Variants in TMEM114 observed in about 807,000 individuals in gnomAD.
TMEM114 encodes transmembrane protein 114.
TMEM114 carries 6 observed loss-of-function variants against 6.2 expected under a neutral mutation model. The observed-to-expected ratio is 0.97, with a 90% CI of 0.53 to 1.91. The LOEUF (loss-of-function observed/expected upper bound fraction) is 1.91. TMEM114 is among the 40% of genes most tolerant of loss of function. The pLI is 0.01. For synonymous variants in TMEM114, 104 were observed against 73.0 expected (o/e 1.42, Z -2.16); for missense variants, 218 against 158.3 (o/e 1.38, Z -2.02).
At chr16:8,569,440 G>A (rs565320299), downstream of TMEM114, 2 of 1,153,004 alleles carry the variant, frequency 1.7e-6, no homozygotes, top group Admixed American at 8.7e-5. Flanking sequence ...AAGGGACATG[G>A]GTGAGGAGGA....
Position 8,590,126 on chromosome 16 carries a change from C to A in TMEM114, c.-288G>T, listed in dbSNP as rs1026170647. On this transcript the variant is annotated 5_prime_UTR_variant, in exon 1 of 4. Transcript: ENST00000620492. The stretch of plus-strand genomic sequence containing the variant: ...CCCCCTCACTCTCACTTGTGCTGTC[C>A]GACCTCCACCTCCGCCTTCAGACCC... The A allele has an allele frequency of 4.8e-4, 157 of 327,514 alleles. No homozygotes were observed. The highest frequency in any genetic ancestry group is 1.7e-3 in the Middle Eastern group (2 of 1,194). The allele number at this position is 327,514 out of a possible 1,614,324, so 20.3% of individuals were successfully genotyped here.
downstream of TMEM114, among the ~76,000 whole-genome samples, chr16:8,564,837 ATGAG>A (rs1484243809): frequency 8.8e-6 from 1 of 113,730 alleles, no homozygotes; most frequent in African/African-American, 3.6e-5. Context: ...GATGGAGGGA[ATGAG>A]TGAGTGAATG....
At chr16:8,562,488 G>C (rs1901279351) in intron 2 of TMEM114, among the ~76,000 whole-genome samples, 1 of 147,242 alleles carries the variant, frequency 6.8e-6, no homozygotes, top group African/African-American at 2.5e-5. Flanking sequence ...GAGTGAATGA[G>C]TATGTGAATG....
chr16:8,529,712 A>G, the TMEM114 span, among the ~76,000 whole-genome samples: 1 of 151,732 alleles, frequency 6.6e-6, no homozygotes, highest in Non-Finnish European at 1.5e-5. Flanking sequence ...GGACACTGGA[A>G]TTCTTAAAAG....
intron 2 of TMEM114, among the ~76,000 whole-genome samples, chr16:8,572,526 C>T (rs1221790533): frequency 6.6e-6 from 1 of 152,192 alleles, no homozygotes; most frequent in Non-Finnish European, 1.5e-5. Context: ...GCCTCAACCT[C>T]CTGGGCTTAA....
intron 2 of TMEM114, among the ~76,000 whole-genome samples, chr16:8,559,451 C>G (rs1019400105): frequency 6.6e-6 from 1 of 152,280 alleles, no homozygotes; most frequent in African/African-American, 2.4e-5. Context: ...CAGGTGAATC[C>G]TCGGCCCGCC....
intron 2 of TMEM114, among the ~76,000 whole-genome samples, chr16:8,548,748 A>C (rs1435723853): frequency 6.6e-6 from 1 of 150,650 alleles, no homozygotes; most frequent in African/African-American, 2.5e-5. Context: ...ACTTTGTTTT[A>C]CTTTAACTGA....
At chr16:8,545,025 G>C (rs1232966898) in intron 2 of TMEM114, among the ~76,000 whole-genome samples, 1 of 151,818 alleles carries the variant, frequency 6.6e-6, no homozygotes, top group South Asian at 2.1e-4. Flanking sequence ...TTCCAGTGTG[G>C]TTATAAGTTG....
At chr16:8,550,864 G>A (rs371463660) in intron 2 of TMEM114, among the ~76,000 whole-genome samples, 3 of 152,098 alleles carry the variant, frequency 2.0e-5, no homozygotes, top group African/African-American at 7.2e-5. Flanking sequence ...TGAACCCACA[G>A]GATAGAACAT....
intron 2 of TMEM114, among the ~76,000 whole-genome samples, chr16:8,564,133 G>GTGAA (rs1901418161): frequency 6.6e-6 from 1 of 151,020 alleles, no homozygotes; most frequent in African/African-American, 2.5e-5. Flanking sequence ...GAGTGAGTTA[G>GTGAA]TGAATGAGTG....
the TMEM114 span, among the ~76,000 whole-genome samples, chr16:8,530,886 G>A: frequency 1.3e-5 from 2 of 152,060 alleles, no homozygotes; most frequent in East Asian, 1.9e-4. Context: ...TTAGCAGGGT[G>A]TGGTGGCATA....
At chr16:8,565,167 A>G (rs889687012), downstream of TMEM114, among the ~76,000 whole-genome samples, 1 of 152,148 alleles carries the variant, frequency 6.6e-6, no homozygotes, top group African/African-American at 2.4e-5. Context: ...GGATGGATGC[A>G]TGGATGGATG....
rs1266626326 is a variant in TMEM114 at position 8,570,017 on chromosome 16, G to A, written c.440-12C>T. The A allele has an allele frequency of 1.9e-6, 3 of 1,544,530 alleles. No individual in the cohort carries two copies. The highest frequency in any genetic ancestry group is 1.2e-5 in the South Asian group (1 of 83,808). On this transcript the variant is annotated splice_polypyrimidine_tract_variant and intron_variant, in intron 3 of 3. Transcript: ENST00000620492. Reference sequence around the variant, plus strand: ...GAGGGTCACCATGGCTGCAGGGAGGGCAAAGGGAGAGCAGATCAATCCCCC... The same window carrying A: ...GAGGGTCACCATGGCTGCAGGGAGGACAAAGGGAGAGCAGATCAATCCCCC...
intron 2 of TMEM114, among the ~76,000 whole-genome samples, chr16:8,563,834 TGAGGGAGGGAGG>T (rs374219413): frequency 8.5e-6 from 1 of 116,990 alleles, no homozygotes; most frequent in Non-Finnish European, 1.8e-5. Flanking sequence ...AGTGAATGAG[TGAGGGAGGGAGG>T]GAGGGAGGGA....
chr16:8,534,547 T>C (rs1204467348), downstream of TMEM114, among the ~76,000 whole-genome samples: 1 of 152,138 alleles, frequency 6.6e-6, no homozygotes, highest in Non-Finnish European at 1.5e-5. Flanking sequence ...CCATCACTAC[T>C]TTTCCTTTGG....
intron 2 of TMEM114, among the ~76,000 whole-genome samples, chr16:8,562,817 TGAGG>T (rs1287464163): frequency 2.0e-5 from 3 of 148,534 alleles, no homozygotes; most frequent in Admixed American, 6.7e-5. Flanking sequence ...AGTAAATGAG[TGAGG>T]GAGGGAGGGA....
chr16:8,534,091 G>T (rs548077458), downstream of TMEM114, among the ~76,000 whole-genome samples: 49 of 152,322 alleles, frequency 3.2e-4, 2 homozygotes, highest in Admixed American at 2.8e-3. Flanking sequence ...GCCTTGCCAT[G>T]AGAGCAAGTC....
downstream of TMEM114, among the ~76,000 whole-genome samples, chr16:8,567,066 A>ATTTTTTTTT (rs34500863): frequency 6.9e-6 from 1 of 144,372 alleles, no homozygotes. Context: ...ACAGCTGGCT[A>ATTTTTTTTT]TTTTTTTTTT....
chr16:8,576,187 A>G (rs1357667426), intron 2 of TMEM114, among the ~76,000 whole-genome samples: 2 of 152,188 alleles, frequency 1.3e-5, no homozygotes, highest in African/African-American at 4.8e-5. Flanking sequence ...CCCAGCTCAT[A>G]TGACTGTCCC....
Sources: allele counts gnomAD v4.1 joint callset (sites outside exome capture counted in the v4.1 genomes callset), GRCh38; gene constraint gnomAD v4.1.1; transcripts MANE v1.5; gene names NCBI Gene and HGNC (gene_info 2026-07-23, HGNC 2026-07-21).